CREB5: variants seen among roughly 807,000 people sequenced by gnomAD.
The protein encoded by CREB5 is cAMP responsive element binding protein 5.
Under a neutral mutation model 57.1 loss-of-function variants are expected in CREB5, and 19 were observed. The ratio of observed to expected loss-of-function variants is 0.33; its 90% CI spans 0.23 to 0.49. CREB5 has a LOEUF of 0.49. CREB5 is among the 20% of genes least tolerant of loss of function. The pLI is 0.99. For synonymous variants in CREB5, 238 were observed against 238.3 expected, an observed-to-expected ratio of 1.00 and a Z score of 0.01; for missense variants, 579 against 671.6, an observed-to-expected ratio of 0.86 and a Z score of 1.52.
At chr7:28,503,186 C>T (rs1028348072) in intron 3 of CREB5, among the ~76,000 whole-genome samples, 2 of 152,164 alleles carry the variant, frequency 1.3e-5, no homozygotes, top group African/African-American at 4.8e-5. Context: ...TCTGCTGGAT[C>T]GATCCACAAG....
intron 4 of CREB5, among the ~76,000 whole-genome samples, chr7:28,549,117 A>G (rs543050215): frequency 1.3e-5 from 2 of 152,294 alleles, no homozygotes; most frequent in East Asian, 1.9e-4. Flanking sequence ...CGAATTGGAC[A>G]CCACCACCCT....
chr7:28,640,024 T>C (rs1798587173), intron 5 of CREB5, among the ~76,000 whole-genome samples: 1 of 152,168 alleles, frequency 6.6e-6, no homozygotes, highest in Admixed American at 6.5e-5. Flanking sequence ...CACTCTGGCC[T>C]CACAGACTAT....
Position 28,468,238 on chromosome 7 carries a change from C to G in CREB5, c.4-19937C>G, listed in dbSNP as rs1217022354. ...TGCTTCCAAGGGCCAGCACCAGGTC[C>G]TGTCTGCCAATAGTGCCAAGCACGT... On this transcript the variant is annotated intron_variant, in intron 1 of 10. Coordinates refer to ENST00000357727, the MANE Select transcript of CREB5 (RefSeq NM_182898.4). Among the ~76,000 whole-genome samples, 3 of 152,190 alleles carry G rather than the reference C, an allele frequency of 2.0e-5. No individual in the cohort carries two copies. In the East Asian group the frequency reaches 5.8e-4, roughly 29 times the overall value.
chr7:28,666,778 G>A (rs1799842195), intron 5 of CREB5, among the ~76,000 whole-genome samples: 1 of 151,468 alleles, frequency 6.6e-6, no homozygotes, highest in South Asian at 2.1e-4. Context: ...GACCAACCTG[G>A]GAAAATAAAA....
intron 7 of CREB5, among the ~76,000 whole-genome samples, chr7:28,777,125 T>G (rs1806704257): frequency 6.6e-6 from 1 of 152,182 alleles, no homozygotes; most frequent in African/African-American, 2.4e-5. Context: ...TGTGAAATTG[T>G]TTTTCAAAGC....
chr7:28,553,239 G>A (rs1794740952), intron 4 of CREB5, among the ~76,000 whole-genome samples: 1 of 152,144 alleles, frequency 6.6e-6, no homozygotes, highest in Non-Finnish European at 1.5e-5. Flanking sequence ...AATATATCAT[G>A]GGAGATGCAC....
chr7:28,510,286 T>C (rs75211011), intron 4 of CREB5, among the ~76,000 whole-genome samples: 2,568 of 152,376 alleles, frequency 0.017, 43 homozygotes, highest in African/African-American at 0.045. Context: ...TTAGTATTCT[T>C]TTCTTTTTCC....
intron 4 of CREB5, among the ~76,000 whole-genome samples, chr7:28,560,845 CGCGTGTGTGTGTGCGTGTGCCTGCGT>C (rs1795101029): frequency 1.2e-4 from 5 of 41,306 alleles, no homozygotes; most frequent in African/African-American, 1.6e-4. Context: ...TGTGTGTGTG[CGCGTGTGTGTGTGCGTGTGCCTGCGT>C]GCGCGTGCGT....
At position 28,821,304 on chromosome 7, in the gene CREB5, A is replaced by G. The variant is rs1034372975; in HGVS notation, c.*2025A>G. On this transcript the variant is annotated 3_prime_UTR_variant, in exon 11 of 11. Transcript: ENST00000357727. ...GAAAATATGAGGGTCTCGAAGCATG[A>G]TTTTTATATAACTAGTTTCAGTTTT... 3.3e-5 allele frequency: 5 copies of G among 152,154 alleles called. No individual in the cohort carries two copies. The highest frequency in any genetic ancestry group is 4.4e-5 in the Non-Finnish European group (3 of 68,022). 9.4% of individuals were successfully genotyped at this position (152,154 alleles called of 1,614,324 possible). A position where few individuals can be genotyped will look rare whatever the true frequency, so the allele number is the denominator to read the frequency against.
At chr7:28,483,830 T>C (rs939310908) in intron 1 of CREB5, among the ~76,000 whole-genome samples, 12 of 152,338 alleles carry the variant, frequency 7.9e-5, no homozygotes, top group African/African-American at 2.4e-4. Context: ...CTTTGACTTT[T>C]TTCCATGAAA....
chr7:28,765,471 A>T (rs1805911850), intron 7 of CREB5, among the ~76,000 whole-genome samples: 1 of 152,200 alleles, frequency 6.6e-6, no homozygotes, highest in Non-Finnish European at 1.5e-5. Context: ...TTCGTTTGGT[A>T]TTCCTCTCTC....
At chr7:28,544,662 G>A (rs1794346733) in intron 4 of CREB5, among the ~76,000 whole-genome samples, 2 of 152,146 alleles carry the variant, frequency 1.3e-5, no homozygotes, top group Admixed American at 6.5e-5. Flanking sequence ...AATCTGAGGA[G>A]CCATACAGGA....
chr7:28,716,862 T>C (rs62442167), intron 5 of CREB5, among the ~76,000 whole-genome samples: 8,213 of 152,168 alleles, frequency 0.054, 311 homozygotes, highest in Non-Finnish European at 0.081. Context: ...CAAAGGACCT[T>C]CAAAGGCCCT....
chr7:28,736,312 G>A (rs1001733686), intron 7 of CREB5, among the ~76,000 whole-genome samples: 1 of 152,086 alleles, frequency 6.6e-6, no homozygotes, highest in Non-Finnish European at 1.5e-5. Context: ...TGGGATTACA[G>A]GCATGCACCA....
At chr7:28,387,961 T>C (rs753927780) in intron 1 of CREB5, among the ~76,000 whole-genome samples, 1 of 152,244 alleles carries the variant, frequency 6.6e-6, no homozygotes, top group Non-Finnish European at 1.5e-5. Context: ...TTTCAAATTC[T>C]TGAGGGTCTA....
At chr7:28,705,518 A>C (rs943228591) in intron 5 of CREB5, among the ~76,000 whole-genome samples, 3 of 152,202 alleles carry the variant, frequency 2.0e-5, no homozygotes, top group Admixed American at 1.3e-4. Flanking sequence ...GTTTCTATTT[A>C]TACTAGGGAC....
chr7:28,580,800 G>C (rs570142705), intron 5 of CREB5, among the ~76,000 whole-genome samples: 1 of 152,150 alleles, frequency 6.6e-6, no homozygotes, highest in South Asian at 2.1e-4. Context: ...GAACACAAAG[G>C]CCCGACCAAT....
intron 5 of CREB5, among the ~76,000 whole-genome samples, chr7:28,581,670 G>T (rs541739260): frequency 6.6e-6 from 1 of 152,284 alleles, no homozygotes; most frequent in South Asian, 2.1e-4. Context: ...ACACCCAACA[G>T]CCTCCAGTTA....
At chr7:28,766,345 G>A (rs1231072471) in intron 7 of CREB5, among the ~76,000 whole-genome samples, 11 of 151,982 alleles carry the variant, frequency 7.2e-5, no homozygotes, top group Non-Finnish European at 1.5e-4. Flanking sequence ...CTGCCTCCCC[G>A]CCCCAACTCC....
Sources: allele counts gnomAD v4.1 joint callset (sites outside exome capture counted in the v4.1 genomes callset), GRCh38; gene constraint gnomAD v4.1.1; transcripts MANE v1.5; gene names NCBI Gene and HGNC (gene_info 2026-07-23, HGNC 2026-07-21).